PSMD13: variants seen among roughly 807,000 people sequenced by gnomAD.
PSMD13 encodes the protein 26S proteasome non-ATPase regulatory subunit 13.
A neutral mutation model predicts 57.4 loss-of-function variants in PSMD13; 8 were observed. That is an observed-to-expected ratio of 0.14 (90% CI 0.08 to 0.25). PSMD13 has a LOEUF of 0.25. PSMD13 is among the 10% of genes least tolerant of loss of function. The pLI is 1.00. For synonymous variants in PSMD13, 193 were observed against 168.2 expected (o/e 1.15, Z -1.14); for missense variants, 400 against 461.5 (o/e 0.87, Z 1.22).
At chr11:237,678 G>T (rs764012473) in intron 1 of PSMD13, among the ~76,000 whole-genome samples, 2 of 152,144 alleles carry the variant, frequency 1.3e-5, no homozygotes, top group Non-Finnish European at 2.9e-5. Flanking sequence ...CTGGTTGCAC[G>T]GGGTGCAACC....
At chr11:237,897 G>A (rs1183703008) in intron 1 of PSMD13, among the ~76,000 whole-genome samples, 1 of 152,218 alleles carries the variant, frequency 6.6e-6, no homozygotes, top group African/African-American at 2.4e-5. Context: ...ATCTCCTGTA[G>A]TAACCTCCCT....
chr11:237,101 C>A lies in PSMD13; in HGVS notation c.52C>A (p.Gln18Lys), dbSNP rs373557814. ...LQQSQNSGPG[Q>K]PAVWHRLEEL... The stretch of plus-strand genomic sequence containing the variant: ...GCAGAGCCAGAACTCCGGGCCCGGG[C>A]AGCCCGCTGTGTGGCACCGTCTGGA... The change falls in exon 1 of 13, where the codon CAG (glutamine) becomes AAG (lysine). Residue 18 changes from glutamine (Q) to lysine (K), a missense_variant. Gln to Lys is a moderately conservative substitution (Grantham distance 53, BLOSUM62 1). Coordinates refer to ENST00000532097, the MANE Select transcript of PSMD13 (RefSeq NM_002817.4). 6.2e-6 allele frequency: 10 copies of A among 1,613,650 alleles called. No individual in the cohort carries two copies. The highest frequency in any genetic ancestry group is 7.6e-6 in the Non-Finnish European group (9 of 1,179,828).
intron 1 of PSMD13, 33 bp from the exon 2 acceptor site, chr11:238,965 G>C: frequency 1.9e-6 from 3 of 1,592,026 alleles, no homozygotes; most frequent in Non-Finnish European, 2.6e-6. Flanking sequence ...CTGGATATTA[G>C]GTTAGAGGTC....
chr11:247,471 T>C, intron 7 of PSMD13, 23 bp downstream of exon 7: 6 of 1,607,074 alleles, frequency 3.7e-6, no homozygotes, highest in Non-Finnish European at 4.3e-6. Flanking sequence ...ATTAAATCCA[T>C]GTCACACAGG....
At chr11:240,200 C>T (rs1202446452) in intron 2 of PSMD13, among the ~76,000 whole-genome samples, 2 of 146,116 alleles carry the variant, frequency 1.4e-5, no homozygotes, top group African/African-American at 2.5e-5. Flanking sequence ...ACTTCCACCT[C>T]CCGAGTTCAA....
intron 2 of PSMD13, among the ~76,000 whole-genome samples, chr11:240,128 T>TTTTTTTTTTTTTTTTG (rs869292581): frequency 7.1e-6 from 1 of 141,700 alleles, no homozygotes; most frequent in African/African-American, 2.9e-5. Context: ...TTTTTTTTTT[T>TTTTTTTTTTTTTTTTG]GACGGAGTTT....
chr11:252,575 A>T lies in PSMD13; in HGVS notation c.1106A>T (p.His369Leu). 1.9e-6 allele frequency: 3 copies of T among 1,614,146 alleles called. No homozygotes were observed. Among genetic ancestry groups the T allele is most frequent in the Non-Finnish European group, 2.5e-6 (3 of 1,180,024 alleles). ...AAGAGCATGGAGATGCTGGTGGAGC[A>T]CCAGGCCCATGACATCCTCACCTAG... The part of the protein sequence containing the change: ...DVKSMEMLVE[H>L]QAHDILT Residue 369 changes from histidine to leucine, a missense_variant, in exon 13 of 13, where the codon CAC (histidine) becomes CTC (leucine). His to Leu is a moderately conservative substitution (Grantham distance 99). Coordinates refer to ENST00000532097, the MANE Select transcript of PSMD13 (RefSeq NM_002817.4). This position sits in a 1 kb window ranked among gnomAD's most constrained non-coding sequence, Gnocchi z 4.1.
intron 2 of PSMD13, among the ~76,000 whole-genome samples, chr11:242,902 T>C (rs957809013): frequency 2.0e-5 from 3 of 152,172 alleles, no homozygotes; most frequent in Non-Finnish European, 4.4e-5. Context: ...TTCAAGCGAT[T>C]CTTCTGCCTC....
chr11:238,287 G>A (rs1174650148), intron 1 of PSMD13, among the ~76,000 whole-genome samples: 1 of 152,186 alleles, frequency 6.6e-6, no homozygotes, highest in Non-Finnish European at 1.5e-5. Context: ...CAAAGTTCTC[G>A]TTTCCAGTGA....
intron 1 of PSMD13, 116 bp from the exon 2 acceptor site, chr11:238,882 G>A: frequency 1.0e-6 from 1 of 998,350 alleles, no homozygotes; most frequent in East Asian, 2.4e-5. Context: ...TTGGAGTTTT[G>A]GAGTTTTGGA....
rs567785402 is a variant in PSMD13, at chr11:252,145, G to A, written c.1035+209G>A. 5.5e-6 allele frequency: 3 copies of A among 549,864 alleles called. No individual in the cohort carries two copies. The highest frequency in any genetic ancestry group is 3.1e-5 in the East Asian group (1 of 32,164). The allele number at this position is 549,864 out of a possible 1,614,324, so 34.1% of individuals were successfully genotyped here. ...AACCCTGCATTTAAAAGCTTATGAT[G>A]ACAATGGCACTGGTTGTGCTGACGG... On this transcript the variant is annotated intron_variant, in intron 12 of 12. Transcript: ENST00000532097. The surrounding 1 kb of genome is among the most constrained non-coding windows in gnomAD (Gnocchi z 4.1).
At chr11:249,208 G>C (rs1859719152) in intron 9 of PSMD13, 151 bp downstream of exon 9, 1 of 1,134,910 alleles carries the variant, frequency 8.8e-7, no homozygotes, top group Non-Finnish European at 1.2e-6. Flanking sequence ...ATAGAGCAGA[G>C]AGTTAAGTGG....
intron 7 of PSMD13, 118 bp downstream of exon 7, chr11:247,566 T>A: frequency 8.5e-7 from 1 of 1,170,602 alleles, no homozygotes; most frequent in Non-Finnish European, 1.2e-6. Flanking sequence ...GCACGGTGGC[T>A]CACGCCTGTA....
intron 9 of PSMD13, among the ~76,000 whole-genome samples, chr11:249,600 G>A: frequency 1.6e-5 from 1 of 61,844 alleles, no homozygotes; most frequent in South Asian, 5.3e-4. Flanking sequence ...CGGGGAGGGG[G>A]AGAGCGGCGG....
chr11:251,198 T>C lies in PSMD13; in HGVS notation c.837+333T>C. 1 of 447,864 alleles carries C rather than the reference T, an allele frequency of 2.2e-6. No individual in the cohort carries two copies. The highest frequency in any genetic ancestry group is 4.1e-6 in the Non-Finnish European group (1 of 246,884). 27.7% of individuals were successfully genotyped at this position (447,864 alleles called of 1,614,324 possible). Reference sequence around the variant, plus strand: ...CGCTTCTTGTGTACACGCACATCTGTCTTTCCCCACTAGAACTTAAGCTTC... The same window carrying C: ...CGCTTCTTGTGTACACGCACATCTGCCTTTCCCCACTAGAACTTAAGCTTC... On this transcript the variant is annotated intron_variant, in intron 10 of 12. Coordinates refer to ENST00000532097, the MANE Select transcript of PSMD13 (RefSeq NM_002817.4). This position sits in a 1 kb window ranked among gnomAD's most constrained non-coding sequence, Gnocchi z 4.6.
intron 2 of PSMD13, among the ~76,000 whole-genome samples, chr11:241,725 T>C (rs901310756): frequency 1.3e-5 from 2 of 152,184 alleles, no homozygotes; most frequent in African/African-American, 4.8e-5. Flanking sequence ...AAATTATTCA[T>C]CCATCCTCAT....
chr11:244,292 T>G (rs1337585501), intron 4 of PSMD13, 76 bp downstream of exon 4: 1 of 1,588,194 alleles, frequency 6.3e-7, no homozygotes, highest in Non-Finnish European at 8.5e-7. Flanking sequence ...ACTGAACTTT[T>G]GTGTTTTCTG....
chr11:247,474 C>T, intron 7 of PSMD13, 26 bp downstream of exon 7: 1 of 1,602,316 alleles, frequency 6.2e-7, no homozygotes, highest in East Asian at 2.2e-5. Flanking sequence ...AAATCCATGT[C>T]ACACAGGAGC....
At chr11:249,260 G>T (rs1041052884) in intron 9 of PSMD13, among the ~76,000 whole-genome samples, 6 of 152,150 alleles carry the variant, frequency 3.9e-5, no homozygotes, top group Admixed American at 6.5e-5. Context: ...GACAAAGAGT[G>T]AGGGTGTTCT....
Sources: gnomAD v4.1 joint callset for allele counts (sites outside exome capture counted in the v4.1 genomes callset) on GRCh38, gnomAD v4.1.1 for gene constraint, Gnocchi (gnomAD v3.1) non-coding constraint, MANE v1.5 for transcripts, NCBI Gene and HGNC (gene_info 2026-07-23, HGNC 2026-07-21) for gene names.